SLC9A3: variants seen among roughly 807,000 people sequenced by gnomAD.
The protein encoded by SLC9A3 is sodium/hydrogen exchanger 3.
A neutral mutation model predicts 86.8 loss-of-function variants in SLC9A3; 37 were observed. That is an observed-to-expected ratio of 0.43 (90% CI 0.33 to 0.56). The LOEUF is 0.56. Ranked by LOEUF, SLC9A3 falls within the 20% of genes least tolerant of loss-of-function variation. SLC9A3 has a pLI of 0.06. For missense variants in SLC9A3, 1,011 were observed against 1,171.9 expected, an observed-to-expected ratio of 0.86 and a Z score of 2.00; for synonymous variants, 581 against 528.3, an observed-to-expected ratio of 1.10 and a Z score of -1.37.
intron 3 of SLC9A3, among the ~76,000 whole-genome samples, chr5:486,285 G>T (rs1739458610): frequency 6.6e-6 from 1 of 152,174 alleles, no homozygotes; most frequent in African/African-American, 2.4e-5. Context: ...TGGTGTCGGG[G>T]CCGGGCCCAG....
Position 483,476 on chromosome 5 carries a change from G to T in SLC9A3, c.939C>A (p.Thr313=). 6.4e-7 allele frequency: 1 copy of T among 1,573,514 alleles called. No individual in the cohort carries two copies. Among genetic ancestry groups the T allele is most frequent in the East Asian group, 2.3e-5 (1 of 42,640 alleles). ...ACTTCTGACAGCAGATGCCACAGAAGGTGATGCTGCAGGGACAGACGCGCC... is the reference window on the plus strand; with the variant it reads ...ACTTCTGACAGCAGATGCCACAGAATGTGATGCTGCAGGGACAGACGCGCC... The part of the protein sequence containing the change: ...MLSLSAILAI[T]FCGICCQKYV... The change falls in exon 6 of 17, where the codon ACC becomes ACA. Residue 313 remains threonine (T), a synonymous_variant. Transcript: ENST00000264938.
rs1738703646 is a variant in SLC9A3 at position 476,013 on chromosome 5, A to G, written c.2140+7T>C. The stretch of plus-strand genomic sequence containing the variant: ...GTCCCAGCGTTCCTGCAGGGCCCCC[A>G]GCGCACCTTTCTCCTTGATGGTGAA... On this transcript the variant is annotated splice_region_variant and intron_variant, in intron 14 of 16. Coordinates refer to ENST00000264938, the MANE Select transcript of SLC9A3 (RefSeq NM_004174.4). The G allele has an allele frequency of 2.5e-6, 4 of 1,607,042 alleles. No individual in the cohort carries two copies. Among genetic ancestry groups the G allele is most frequent in the Middle Eastern group, 1.7e-4 (1 of 6,002 alleles).
chr5:476,152 C>T (rs758594886), intron 13 of SLC9A3, 50 bp downstream of exon 13: 1 of 1,612,238 alleles, frequency 6.2e-7, no homozygotes, highest in Admixed American at 1.7e-5. Flanking sequence ...CCCTGACTGC[C>T]CCCGCTCCAG....
Position 524,250 on chromosome 5 carries a change from C to G in SLC9A3, c.73G>C (p.Ala25Pro). Residue 25 changes from alanine to proline, a missense_variant, in exon 1 of 17, where the codon GCC becomes CCC. Physicochemically the swap from Ala to Pro is conservative, Grantham distance 27. Transcript: ENST00000264938. ...LALALGGLAR[A>P]GGVEVEPGGA... ...CCGGGCTCCACCTCGACGCCCCCGG[C>G]CCGCGCCAGCCCGCCCAGCGCCAGC... The G allele has an allele frequency of 7.0e-7, 1 of 1,428,532 alleles. No individual in the cohort carries two copies. Among genetic ancestry groups the G allele is most frequent in the Non-Finnish European group, 9.2e-7 (1 of 1,086,596 alleles). 88.5% of individuals were successfully genotyped at this position (1,428,532 alleles called of 1,614,324 possible). A position where few individuals can be genotyped will look rare whatever the true frequency, so the allele number is the denominator to read the frequency against.
intron 10 of SLC9A3, chr5:478,640 G>C (rs10053300): frequency 0.076 from 11,750 of 154,722 alleles, 573 homozygotes; most frequent in Admixed American, 0.13. Context: ...ATGGTGGCTG[G>C]TGTGGTTGGG....
chr5:482,995 C>T (rs577847389), intron 6 of SLC9A3, among the ~76,000 whole-genome samples: 68 of 151,938 alleles, frequency 4.5e-4, no homozygotes, highest in African/African-American at 1.5e-3. Context: ...TGGGCGGGGG[C>T]GGGGCTGTCT....
rs955717794 is a variant in SLC9A3 at position 487,603 on chromosome 5, C to T, written c.675+713G>A. 1.1e-4 allele frequency among the ~76,000 whole-genome samples: 17 copies of T among 152,104 alleles called. 1 individual carries two copies. Among genetic ancestry groups the T allele is most frequent in the African/African-American group, 3.1e-4 (13 of 41,414 alleles). ...ACCGTCGTTCAAGGCACTGCACCTG[C>T]GGTACTTTGTCATGGCGGCCCTGGC... On this transcript the variant is annotated intron_variant, in intron 3 of 16. Transcript: ENST00000264938.
intron 1 of SLC9A3, among the ~76,000 whole-genome samples, chr5:523,273 G>A (rs1035363792): frequency 6.6e-6 from 1 of 152,152 alleles, no homozygotes; most frequent in Non-Finnish European, 1.5e-5. Context: ...CCCCTGTCCT[G>A]CGTGGGCGCC....
At chr5:495,212 A>G (rs1739968269) in intron 1 of SLC9A3, among the ~76,000 whole-genome samples, 1 of 152,236 alleles carries the variant, frequency 6.6e-6, no homozygotes, top group South Asian at 2.1e-4. Flanking sequence ...GTTGAGGGTT[A>G]GGGTCTTTCA....
chr5:484,029 A>G (rs986102231), intron 5 of SLC9A3, among the ~76,000 whole-genome samples: 2 of 151,602 alleles, frequency 1.3e-5, no homozygotes, highest in Middle Eastern at 3.4e-3. Flanking sequence ...TGCCACACAC[A>G]CCCCCGGTGT....
At chr5:507,369 G>GA (rs397963147) in intron 1 of SLC9A3, among the ~76,000 whole-genome samples, 1 of 5,848 alleles carries the variant, frequency 1.7e-4, no homozygotes, top group Non-Finnish European at 4.4e-4. Flanking sequence ...GGGTTTCACC[G>GA]TTTTTTTTTT....
chr5:483,132 T>A, intron 6 of SLC9A3, 130 bp downstream of exon 6: 1 of 719,652 alleles, frequency 1.4e-6, no homozygotes, highest in Non-Finnish European at 2.3e-6. Context: ...GCCGCCACCA[T>A]CAGGTCCTCT....
intron 1 of SLC9A3, among the ~76,000 whole-genome samples, chr5:495,247 C>A (rs1306008712): frequency 6.6e-6 from 1 of 152,116 alleles, no homozygotes; most frequent in African/African-American, 2.4e-5. Context: ...AAATTAGGTT[C>A]ACAGCGATCA....
chr5:488,727 CTCCT>C (rs982768229), intron 2 of SLC9A3, among the ~76,000 whole-genome samples: 10 of 152,382 alleles, frequency 6.6e-5, no homozygotes, highest in African/African-American at 2.4e-4. Flanking sequence ...CCCTGGCCCT[CTCCT>C]TCATCTTTGG....
At chr5:486,830 G>T (rs1219323066) in intron 3 of SLC9A3, among the ~76,000 whole-genome samples, 1 of 152,010 alleles carries the variant, frequency 6.6e-6, no homozygotes, top group African/African-American at 2.4e-5. Flanking sequence ...CAGGACCGGG[G>T]TCCCGCAGGA....
In SLC9A3 at chr5:497,753, C is replaced by T. The variant is rs1393065953; in HGVS notation, c.212-5682G>A. 6.7e-5 allele frequency among the ~76,000 whole-genome samples: 7 copies of T among 104,380 alleles called. No individual in the cohort carries two copies. The highest frequency in any genetic ancestry group is 1.2e-4 in the Non-Finnish European group (6 of 51,162). 68.5% of individuals were successfully genotyped at this position (104,380 alleles called of 152,430 possible). On this transcript the variant is annotated intron_variant, in intron 1 of 16. Coordinates refer to ENST00000264938, the MANE Select transcript of SLC9A3 (RefSeq NM_004174.4). This position sits in a 1 kb window ranked among gnomAD's most constrained non-coding sequence, Gnocchi z 5.4. ...CCGGCCGCATCCCCAGCCTCTGCCC[C>T]TGTCCCGGGTGGGGTCGCCCGGCCG...
At position 488,298 on chromosome 5, in the gene SLC9A3, G is replaced by A. The variant is rs781232120; in HGVS notation, c.675+18C>T. ...TCCCACGGCTCGCCCGCTCTGGAGC[G>A]GTGGCTCCGTTGCTCACCACGGTGA... is the stretch of plus-strand genomic sequence containing the variant. On this transcript the variant is annotated intron_variant, in intron 3 of 16. Transcript: ENST00000264938. 85 of 1,611,596 alleles carry A rather than the reference G, an allele frequency of 5.3e-5. No homozygotes were observed. Among genetic ancestry groups the A allele is most frequent in the African/African-American group, 2.9e-4 (22 of 75,028 alleles).
intron 10 of SLC9A3, chr5:479,506 T>C: frequency 3.3e-6 from 1 of 306,476 alleles, no homozygotes; most frequent in Non-Finnish European, 6.3e-6. Flanking sequence ...CAGGCAGGGC[T>C]GTATTGGGAC....
At chr5:490,451 A>G (rs1449506370) in intron 2 of SLC9A3, among the ~76,000 whole-genome samples, 1 of 152,178 alleles carries the variant, frequency 6.6e-6, no homozygotes, top group Non-Finnish European at 1.5e-5. Context: ...CACCGAGGAC[A>G]TTCTGCTTCG....
Sources: allele counts gnomAD v4.1 joint callset (sites outside exome capture counted in the v4.1 genomes callset), GRCh38; gene constraint gnomAD v4.1.1; non-coding constraint Gnocchi (gnomAD v3.1); transcripts MANE v1.5; gene names NCBI Gene and HGNC (gene_info 2026-07-23, HGNC 2026-07-21).